Variants in SSH1 observed in about 807,000 individuals in gnomAD.
SSH1 encodes slingshot protein phosphatase 1, also known as protein phosphatase Slingshot homolog 1.
Under a neutral mutation model 79.7 loss-of-function variants are expected in SSH1, and 43 were observed. That is an observed-to-expected ratio of 0.54 (90% CI 0.42 to 0.70). SSH1 has a LOEUF of 0.70. Ranked by LOEUF, SSH1 falls within the 30% of genes least tolerant of loss-of-function variation. The pLI is 0.00. For synonymous variants in SSH1, 599 were observed against 538.3 expected, an observed-to-expected ratio of 1.11 and a Z score of -1.56; for missense variants, 1,206 against 1,358.8, an observed-to-expected ratio of 0.89 and a Z score of 1.77.
At chr12:108,801,011 A>G in intron 11 of SSH1, 85 bp from the exon 12 acceptor site, 1 of 1,367,574 alleles carries the variant, frequency 7.3e-7, no homozygotes, top group Non-Finnish European at 1.0e-6. Context: ...CAGAGAAAAG[A>G]AAAGGAAACA....
intron 2 of SSH1, chr12:108,826,191 T>C (rs778858084): frequency 4.5e-6 from 2 of 446,922 alleles, no homozygotes; most frequent in Non-Finnish European, 4.4e-6. Context: ...TTGGTTTCCC[T>C]TATATTTCCT....
intron 2 of SSH1, among the ~76,000 whole-genome samples, chr12:108,835,118 A>G (rs1407527208): frequency 6.6e-6 from 1 of 152,172 alleles, no homozygotes; most frequent in Non-Finnish European, 1.5e-5. Flanking sequence ...AGCTAGGCCT[A>G]TGACTTCTCT....
intron 2 of SSH1, chr12:108,826,447 A>G (rs1298075685): frequency 4.0e-6 from 1 of 251,488 alleles, no homozygotes; most frequent in Non-Finnish European, 7.9e-6. Flanking sequence ...CCCAAGTAGC[A>G]GCGCATTATC....
rs1213006584 is a variant in SSH1, at chr12:108,780,062, G to GT, written c.*7925dup. The GT allele has an allele frequency of 6.6e-6, 1 of 152,242 alleles. No homozygotes were observed. Among genetic ancestry groups the GT allele is most frequent in the Non-Finnish European group, 1.5e-5 (1 of 68,054 alleles). The allele number at this position is 152,242 out of a possible 1,614,324, so 9.4% of individuals were successfully genotyped here. On this transcript the variant is annotated 3_prime_UTR_variant, in exon 15 of 15. Coordinates refer to ENST00000326495, the MANE Select transcript of SSH1 (RefSeq NM_018984.4). ...ATTCTTTATGTAAAGCACATAGAAG[G>GT]TATGTGATAAACATAACCTGGTTTT...
chr12:108,828,401 CCT>C (rs1361974728), intron 2 of SSH1, among the ~76,000 whole-genome samples: 3 of 152,142 alleles, frequency 2.0e-5, no homozygotes, highest in Admixed American at 1.3e-4. Flanking sequence ...CTGCTTAACC[CCT>C]GTTAAGCAGC....
intron 2 of SSH1, among the ~76,000 whole-genome samples, chr12:108,825,908 T>C (rs2038292213): frequency 6.6e-6 from 1 of 152,188 alleles, no homozygotes. Context: ...CACAGCTGAG[T>C]ATGTTTTCAG....
chr12:108,808,894 C>T (rs997201443), intron 7 of SSH1, among the ~76,000 whole-genome samples: 2 of 127,716 alleles, frequency 1.6e-5, no homozygotes, highest in Admixed American at 1.0e-4. Flanking sequence ...AGTGCAGGGG[C>T]GTGATCTCGG....
chr12:108,844,020 C>T lies in SSH1; in HGVS notation c.110+8618G>A, dbSNP rs564702321. 2.1e-4 allele frequency among the ~76,000 whole-genome samples: 32 copies of T among 152,224 alleles called. No individual in the cohort carries two copies. In the East Asian group the frequency reaches 5.6e-3, roughly 27 times the overall value. ...GCCTGTGAGAAGAAAAAGGAAGACA[C>T]GAATCATTCCCAACAGAAGCTGTTA... On this transcript the variant is annotated intron_variant, in intron 2 of 14. Coordinates refer to ENST00000326495, the MANE Select transcript of SSH1 (RefSeq NM_018984.4).
At chr12:108,799,348 G>A (rs576161973) in intron 12 of SSH1, 148 bp from the exon 13 acceptor site, 53 of 672,990 alleles carry the variant, frequency 7.9e-5, no homozygotes, top group Middle Eastern at 4.1e-4. Context: ...ATCCTCCTAC[G>A]TCTTAATGTT....
intron 12 of SSH1, among the ~76,000 whole-genome samples, chr12:108,800,171 G>A (rs1394041518): frequency 6.6e-6 from 1 of 152,180 alleles, no homozygotes; most frequent in Non-Finnish European, 1.5e-5. Context: ...GCATCTCAAA[G>A]GGTTCTTTCT....
chr12:108,797,275 C>G (rs745826318), intron 13 of SSH1, among the ~76,000 whole-genome samples: 2 of 151,930 alleles, frequency 1.3e-5, no homozygotes, highest in Non-Finnish European at 2.9e-5. Context: ...CACTGGTGCA[C>G]GCCACCACGC....
intron 5 of SSH1, 102 bp downstream of exon 5, chr12:108,816,936 A>G: frequency 6.4e-7 from 1 of 1,563,950 alleles, no homozygotes; most frequent in South Asian, 1.1e-5. Context: ...ATCAGGACGC[A>G]GCCCTCTCCC....
In SSH1 at chr12:108,799,110, G is replaced by A; in HGVS notation, c.1239C>T (p.Gly413=). ...AGTTATATGCTTTTTCCAGAGGCCAGCCGAATTCCTTCATTGCATAGGCTA... is the reference window on the plus strand; with the variant it reads ...AGTTATATGCTTTTTCCAGAGGCCAACCGAATTCCTTCATTGCATAGGCTA... The part of the protein sequence containing the change: ...TVIAYAMKEF[G]WPLEKAYNYV... The change falls in exon 13 of 15, where the codon GGC becomes GGT. Residue 413 remains glycine (G), a synonymous_variant. Coordinates refer to ENST00000326495, the MANE Select transcript of SSH1 (RefSeq NM_018984.4). The A allele has an allele frequency of 6.2e-7, 1 of 1,614,224 alleles. No individual in the cohort carries two copies. Among genetic ancestry groups the A allele is most frequent in the Non-Finnish European group, 8.5e-7 (1 of 1,180,050 alleles).
chr12:108,806,178 G>C, intron 9 of SSH1, 123 bp downstream of exon 9: 1 of 924,432 alleles, frequency 1.1e-6, no homozygotes, highest in Non-Finnish European at 1.8e-6. Context: ...GCCTCCGGGG[G>C]CTGATACCAG....
intron 13 of SSH1, among the ~76,000 whole-genome samples, chr12:108,793,716 G>GT (rs1565972628): frequency 6.6e-6 from 1 of 152,058 alleles, no homozygotes; most frequent in Non-Finnish European, 1.5e-5. Flanking sequence ...TTTTTAAAAT[G>GT]TAAGGCATAA....
At chr12:108,843,793 C>T (rs2038833854) in intron 2 of SSH1, among the ~76,000 whole-genome samples, 1 of 152,114 alleles carries the variant, frequency 6.6e-6, no homozygotes, top group Non-Finnish European at 1.5e-5. Context: ...CCTCGGCCTC[C>T]CAAAGTGCTA....
At chr12:108,825,738 C>T (rs1025048048) in intron 2 of SSH1, among the ~76,000 whole-genome samples, 6 of 152,170 alleles carry the variant, frequency 3.9e-5, no homozygotes, top group Non-Finnish European at 7.4e-5. Flanking sequence ...TTATAAATAA[C>T]GAAAGAAACG....
intron 2 of SSH1, chr12:108,834,274 T>C (rs2038544681): frequency 6.6e-6 from 1 of 152,402 alleles, no homozygotes; most frequent in Non-Finnish European, 1.5e-5. Context: ...CATGGTGTCC[T>C]TCCTCCCATC....
rs1555231072 is a variant in SSH1, at chr12:108,800,936, G to A, written c.1002-10C>T. The stretch of plus-strand genomic sequence containing the variant: ...TAAAATGTAATCAACCCTGCAATGA[G>A]AAAAAAATAAGAAACAAATTTGGAC... On this transcript the variant is annotated splice_polypyrimidine_tract_variant and intron_variant, in intron 11 of 14. Transcript: ENST00000326495. 4 of 1,609,170 alleles carry A rather than the reference G, an allele frequency of 2.5e-6. No homozygotes were observed. Among genetic ancestry groups the A allele is most frequent in the Admixed American group, 3.4e-5 (2 of 59,290 alleles).
Sources: allele counts gnomAD v4.1 joint callset (sites outside exome capture counted in the v4.1 genomes callset), GRCh38; gene constraint gnomAD v4.1.1; transcripts MANE v1.5; gene names NCBI Gene and HGNC (gene_info 2026-07-23, HGNC 2026-07-21).